Variants in PCDH11X observed in about 807,000 individuals in gnomAD.
The protein encoded by PCDH11X is protocadherin-11 X-linked.
In PCDH11X, 18 loss-of-function variants were observed where a neutral mutation model predicts 53.3. The ratio of observed to expected loss-of-function variants is 0.34; its 90% CI spans 0.23 to 0.50. The LOEUF (loss-of-function observed/expected upper bound fraction) is 0.50. Among genes scored for constraint, PCDH11X ranks in the 20% least tolerant of loss-of-function variants. The pLI is 0.98. For missense variants in PCDH11X, 570 were observed against 1,032.4 expected, an observed-to-expected ratio of 0.55 and a Z score of 6.14; for synonymous variants, 279 against 393.3, an observed-to-expected ratio of 0.71 and a Z score of 3.44.
chrX:92,112,365 T>G (rs1027005789), intron 6 of PCDH11X, among the ~76,000 whole-genome samples: 9 of 108,857 alleles, frequency 8.3e-5, no homozygotes, highest in African/African-American at 2.3e-4. Context: ...GTCATCATAG[T>G]GTCCTACTGT....
chrX:92,172,676 A>G (rs1377937288), intron 6 of PCDH11X, among the ~76,000 whole-genome samples: 1 of 111,980 alleles, frequency 8.9e-6, no homozygotes, highest in Non-Finnish European at 1.9e-5. Context: ...AATTCAGCAC[A>G]TAACAGCATA....
At chrX:92,204,067 G>A (rs1174322500) in intron 7 of PCDH11X, among the ~76,000 whole-genome samples, 1 of 111,753 alleles carries the variant, frequency 8.9e-6, no homozygotes, top group East Asian at 2.8e-4. Flanking sequence ...ACCATGTCCT[G>A]AGGCTGCACA....
At chrX:92,388,378 T>A (rs1161683050) in intron 9 of PCDH11X, among the ~76,000 whole-genome samples, 1 of 108,064 alleles carries the variant, frequency 9.3e-6, no homozygotes, top group Admixed American at 1.0e-4. Context: ...GACTCCAATG[T>A]AGGAGAGGGC....
intron 6 of PCDH11X, among the ~76,000 whole-genome samples, chrX:92,149,504 T>A (rs2065395368): frequency 9.3e-6 from 1 of 107,675 alleles, no homozygotes; most frequent in Non-Finnish European, 1.9e-5. Context: ...TATATATATG[T>A]ATGTATATAT....
chrX:92,425,301 G>T (rs1266463728), intron 9 of PCDH11X, among the ~76,000 whole-genome samples: 8 of 110,233 alleles, frequency 7.3e-5, no homozygotes, highest in Non-Finnish European at 1.5e-4. Context: ...TTTATACAAG[G>T]ATCGTAGCAG....
chrX:92,399,534 C>T (rs923065317), intron 9 of PCDH11X, among the ~76,000 whole-genome samples: 2 of 111,646 alleles, frequency 1.8e-5, no homozygotes, highest in Admixed American at 9.5e-5. Flanking sequence ...TTTTAAGATA[C>T]ATAAAATTTT....
chrX:92,327,480 A>C (rs1341801720), intron 8 of PCDH11X, among the ~76,000 whole-genome samples: 186 of 96,311 alleles, frequency 1.9e-3, no homozygotes, highest in African/African-American at 7.3e-3. Context: ...GTTTATTCAG[A>C]CTACCTGCAA....
At chrX:91,805,219 G>A (rs1447266003) in intron 1 of PCDH11X, among the ~76,000 whole-genome samples, 1 of 100,373 alleles carries the variant, frequency 1.0e-5, no homozygotes, top group African/African-American at 3.4e-5. Context: ...TCAAGATACA[G>A]AAATATACAA....
intron 6 of PCDH11X, among the ~76,000 whole-genome samples, chrX:92,073,073 A>G (rs5984146): frequency 0.3 from 32,724 of 109,474 alleles, 5,554 homozygotes; most frequent in African/African-American, 0.62. Context: ...TACTGTGACA[A>G]GGTAGCACTG....
intron 9 of PCDH11X, among the ~76,000 whole-genome samples, chrX:92,396,844 CAAAA>C (rs559098629): frequency 3.6e-5 from 1 of 27,935 alleles, no homozygotes; most frequent in Non-Finnish European, 5.4e-5. Context: ...GACTCTGTCT[CAAAA>C]AAAAAAAAAA....
intron 6 of PCDH11X, among the ~76,000 whole-genome samples, chrX:91,885,777 T>G (rs189409301): frequency 8.9e-6 from 1 of 111,856 alleles, no homozygotes; most frequent in East Asian, 2.8e-4. Context: ...GTTTTATGAG[T>G]GCTGTATTTG....
intron 6 of PCDH11X, among the ~76,000 whole-genome samples, chrX:91,907,407 A>C (rs5942092): frequency 0.017 from 1,142 of 67,812 alleles, 38 homozygotes; most frequent in African/African-American, 0.06. Flanking sequence ...ACACACACAC[A>C]CACACAGAGA....
chrX:92,257,917 T>C (rs752367679), intron 7 of PCDH11X, among the ~76,000 whole-genome samples: 2 of 111,908 alleles, frequency 1.8e-5, no homozygotes, highest in African/African-American at 3.2e-5. Flanking sequence ...ACAGTTCCAC[T>C]AGGCAGTGCC....
chrX:91,854,887 A>T (rs879053036), intron 5 of PCDH11X, among the ~76,000 whole-genome samples: 52 of 111,756 alleles, frequency 4.7e-4, no homozygotes, highest in African/African-American at 1.6e-3. Context: ...CCATATATTC[A>T]GATTATTAAT....
intron 6 of PCDH11X, among the ~76,000 whole-genome samples, chrX:92,158,687 G>A (rs1007898571): frequency 9.0e-5 from 10 of 110,907 alleles, no homozygotes; most frequent in Non-Finnish European, 1.7e-4. Flanking sequence ...CCAGGCTGGA[G>A]TTCAGTGGCG....
intron 8 of PCDH11X, among the ~76,000 whole-genome samples, chrX:92,320,091 G>C (rs1168318435): frequency 3.6e-5 from 4 of 111,427 alleles, no homozygotes; most frequent in African/African-American, 6.5e-5. Flanking sequence ...AATCCTATAT[G>C]ATATGATATT....
chrX:91,845,106 A>G (rs1284110073), intron 5 of PCDH11X, among the ~76,000 whole-genome samples: 5 of 111,876 alleles, frequency 4.5e-5, no homozygotes, highest in African/African-American at 1.6e-4. Flanking sequence ...TAGATTGCGT[A>G]TAGATATCAA....
chrX:91,793,401 A>G (rs1372677426), intron 1 of PCDH11X, among the ~76,000 whole-genome samples: 1 of 110,817 alleles, frequency 9.0e-6, no homozygotes, highest in Non-Finnish European at 1.9e-5. Context: ...TTAAATTTGT[A>G]CTACAAAGTT....
chrX:92,218,608 T>C (rs2066779678), intron 7 of PCDH11X, among the ~76,000 whole-genome samples: 1 of 111,269 alleles, frequency 9.0e-6, no homozygotes, highest in Admixed American at 9.6e-5. Flanking sequence ...AGCCGAATTC[T>C]ACCAGAGGTA....
Sources: allele counts gnomAD v4.1 joint callset (sites outside exome capture counted in the v4.1 genomes callset), GRCh38; gene constraint gnomAD v4.1.1; transcripts MANE v1.5; gene names NCBI Gene and HGNC (gene_info 2026-07-23, HGNC 2026-07-21).